CCDC171: variants seen among roughly 807,000 people sequenced by gnomAD.
CCDC171 encodes the protein coiled-coil domain-containing protein 171.
Under a neutral mutation model 168.2 loss-of-function variants are expected in CCDC171, and 177 were observed. The ratio of observed to expected loss-of-function variants is 1.05; its 90% CI spans 0.93 to 1.19. The LOEUF (loss-of-function observed/expected upper bound fraction) is 1.19. Ranked by LOEUF, CCDC171 falls within the 50% of genes most tolerant of loss-of-function variation. The probability of loss-of-function intolerance (pLI) is 0.00; values close to 1 mark genes in which losing one functional copy is unlikely to be tolerated. For missense variants in CCDC171, 1,991 were observed against 1,539.0 expected (o/e 1.29, Z -4.91); for synonymous variants, 687 against 540.8 (o/e 1.27, Z -3.75).
intron 3 of CCDC171, among the ~76,000 whole-genome samples, chr9:16,018,149 A>G (rs1205668496): frequency 6.6e-6 from 1 of 152,206 alleles, no homozygotes; most frequent in Admixed American, 6.5e-5. Context: ...CTAATCTCCC[A>G]TATCCACCCA....
intron 16 of CCDC171, among the ~76,000 whole-genome samples, chr9:15,739,577 T>C (rs909355177): frequency 6.6e-6 from 1 of 152,164 alleles, no homozygotes; most frequent in Non-Finnish European, 1.5e-5. Flanking sequence ...AAAAAATATA[T>C]GTAAAGCATT....
chr9:15,983,190 A>G (rs759112236), intron 3 of CCDC171, among the ~76,000 whole-genome samples: 19 of 151,946 alleles, frequency 1.3e-4, no homozygotes, highest in Non-Finnish European at 2.6e-4. Flanking sequence ...TTCCTCTTAA[A>G]TACTGAACAT....
rs74975181 is a variant in CCDC171, at chr9:15,936,292, G to T, written c.3753+15870G>T. Among the ~76,000 whole-genome samples, 881 of 151,978 alleles carry T rather than the reference G, an allele frequency of 5.8e-3. 11 individuals are homozygous for T. Among genetic ancestry groups the T allele is most frequent in the African/African-American group, 0.021 (851 of 41,484 alleles). Reference sequence around the variant, plus strand: ...ATGAAAGTTATAGACACGACACTATGCACCAAGCCACAAAAAAAAAGTCAA... The same window carrying T: ...ATGAAAGTTATAGACACGACACTATTCACCAAGCCACAAAAAAAAAGTCAA... On this transcript the variant is annotated intron_variant, in intron 25 of 25. Transcript: ENST00000380701.
intron 6 of CCDC171, among the ~76,000 whole-genome samples, chr9:16,024,104 AG>A (rs779865669): frequency 6.6e-6 from 1 of 152,078 alleles, no homozygotes; most frequent in Non-Finnish European, 1.5e-5. Flanking sequence ...AAGCTTAAAG[AG>A]GCAAGGAAAT....
intron 4 of CCDC171, among the ~76,000 whole-genome samples, chr9:15,580,330 A>C (rs544419053): frequency 9.8e-5 from 15 of 152,326 alleles, no homozygotes; most frequent in African/African-American, 3.6e-4. Flanking sequence ...CCAAGATCCC[A>C]AAAGCAAATG....
intron 10 of CCDC171, 35 bp downstream of exon 10, chr9:15,678,931 T>G (rs372876267): frequency 1.3e-6 from 2 of 1,488,022 alleles, no homozygotes. Context: ...TGGAAATCAC[T>G]TTATTAGGTC....
At chr9:16,095,869 C>CATATATATAT in the CCDC171 span, among the ~76,000 whole-genome samples, 2,617 of 123,488 alleles carry the variant, frequency 0.021, 41 homozygotes, top group Admixed American at 0.036. Flanking sequence ...CACATAGGCA[C>CATATATATAT]ATATATATAT....
At chr9:15,923,120 C>T (rs1165693109) in intron 25 of CCDC171, among the ~76,000 whole-genome samples, 1 of 150,960 alleles carries the variant, frequency 6.6e-6, no homozygotes, top group Non-Finnish European at 1.5e-5. Context: ...AGATCATATC[C>T]CAAAAAATCA....
intron 5 of CCDC171, among the ~76,000 whole-genome samples, chr9:15,592,336 T>A (rs1369990963): frequency 6.6e-6 from 1 of 150,746 alleles, no homozygotes; most frequent in Non-Finnish European, 1.5e-5. Flanking sequence ...TGAGACCCTG[T>A]CTCCCCCCAA....
intron 24 of CCDC171, among the ~76,000 whole-genome samples, chr9:15,915,322 T>C (rs1402926566): frequency 6.6e-6 from 1 of 151,932 alleles, no homozygotes; most frequent in African/African-American, 2.4e-5. Flanking sequence ...TTTGTAGTTC[T>C]ACTTATAGAT....
At chr9:16,037,915 A>G (rs1030146689), upstream of CCDC171, among the ~76,000 whole-genome samples, 2 of 152,188 alleles carry the variant, frequency 1.3e-5, no homozygotes, top group African/African-American at 4.8e-5. Context: ...ATTTTTTTAC[A>G]ATGTCTAAAA....
chr9:16,057,439 T>G (rs890260272), intron 1 of CCDC171, among the ~76,000 whole-genome samples: 1 of 152,184 alleles, frequency 6.6e-6, no homozygotes, highest in African/African-American at 2.4e-5. Flanking sequence ...AGGAAGTTTT[T>G]TTTGTTTGTT....
intron 25 of CCDC171, among the ~76,000 whole-genome samples, chr9:15,926,246 T>A (rs4454387): frequency 1.1e-4 from 16 of 151,714 alleles, no homozygotes; most frequent in East Asian, 3.9e-4. Context: ...TTATGGATAG[T>A]ACATATGTTT....
chr9:16,042,675 T>C (rs1348290254), upstream of CCDC171: 1 of 152,212 alleles, frequency 6.6e-6, no homozygotes, highest in African/African-American at 2.4e-5. Flanking sequence ...AGCAATGATA[T>C]GGGGACCTGC....
chr9:15,668,020 C>T (rs571060904), intron 9 of CCDC171, among the ~76,000 whole-genome samples: 2 of 152,234 alleles, frequency 1.3e-5, no homozygotes, highest in South Asian at 4.1e-4. Flanking sequence ...GCATATAAAT[C>T]TATTTGAAAG....
At chr9:15,922,298 A>G in intron 25 of CCDC171, 1 of 187,074 alleles carries the variant, frequency 5.3e-6, no homozygotes, top group East Asian at 1.3e-4. Flanking sequence ...TTTTAAAAAT[A>G]ATAAACTTGT....
At position 15,752,014 on chromosome 9, in the gene CCDC171, A is replaced by G. The variant is rs1039864615; in HGVS notation, c.2671+6383A>G. On this transcript the variant is annotated intron_variant, in intron 18 of 25. Coordinates refer to ENST00000380701, the MANE Select transcript of CCDC171 (RefSeq NM_173550.4). ...AAAATTTTTGCAATTTATCCATCTG[A>G]CAAAGGGCTAATATCCAGAATCTAC... 5.9e-5 allele frequency among the ~76,000 whole-genome samples: 9 copies of G among 152,372 alleles called. No homozygotes were observed. In the East Asian group the frequency reaches 1.5e-3, roughly 26 times the overall value.
chr9:15,595,731 C>T (rs2042298743), intron 6 of CCDC171, among the ~76,000 whole-genome samples: 1 of 152,174 alleles, frequency 6.6e-6, no homozygotes, highest in African/African-American at 2.4e-5. Context: ...ACACTGACTT[C>T]CACAATGATT....
the CCDC171 span, among the ~76,000 whole-genome samples, chr9:16,092,839 C>T: frequency 2.0e-5 from 3 of 152,146 alleles, no homozygotes; most frequent in African/African-American, 7.2e-5. Context: ...CCTGTGTCCC[C>T]AGGGGTGGGT....
Sources: allele counts gnomAD v4.1 joint callset (sites outside exome capture counted in the v4.1 genomes callset), GRCh38; gene constraint gnomAD v4.1.1; transcripts MANE v1.5; gene names NCBI Gene and HGNC (gene_info 2026-07-23, HGNC 2026-07-21).